LIPH: variants seen among roughly 807,000 people sequenced by gnomAD.
The protein encoded by LIPH is lipase H, also known as lipase member H.
A neutral mutation model predicts 47.6 loss-of-function variants in LIPH; 32 were observed. That is an observed-to-expected ratio of 0.67 (90% confidence interval 0.51 to 0.90). The LOEUF is 0.90. Among genes scored for constraint, LIPH ranks in the 40% least tolerant of loss-of-function variants. LIPH has a pLI of 0.00. For missense variants in LIPH, 497 were observed against 541.4 expected, an observed-to-expected ratio of 0.92 and a Z score of 0.81; for synonymous variants, 190 against 195.6, an observed-to-expected ratio of 0.97 and a Z score of 0.24.
intron 4 of LIPH, among the ~76,000 whole-genome samples, chr3:185,526,633 AAAAT>A (rs138129702): frequency 0.091 from 2,079 of 22,896 alleles, 63 homozygotes; most frequent in African/African-American, 0.13. Flanking sequence ...AATAAAATAT[AAAAT>A]AAATAAAATA....
intron 8 of LIPH, 150 bp downstream of exon 8, chr3:185,514,260 G>A (rs1719656963): frequency 1.6e-6 from 1 of 638,306 alleles, no homozygotes; most frequent in Non-Finnish European, 2.8e-6. Flanking sequence ...TCAAGAACCA[G>A]GGAAGCAACT....
chr3:185,525,849 CA>C (rs1720052092), intron 4 of LIPH, among the ~76,000 whole-genome samples: 1 of 152,138 alleles, frequency 6.6e-6, no homozygotes, highest in Non-Finnish European at 1.5e-5. Context: ...TCTTTCAAGG[CA>C]AATAATTGTT....
chr3:185,540,171 T>G (rs1031738793), intron 1 of LIPH, among the ~76,000 whole-genome samples: 1 of 152,174 alleles, frequency 6.6e-6, no homozygotes, highest in African/African-American at 2.4e-5. Context: ...TCACACTTCC[T>G]GAAATAGATC....
chr3:185,522,650 A>AAGAAAGGAAAGAAAG (rs1235808164), intron 5 of LIPH, among the ~76,000 whole-genome samples: 84 of 142,000 alleles, frequency 5.9e-4, no homozygotes, highest in Middle Eastern at 3.5e-3. Flanking sequence ...GAGAGAAAGA[A>AAGAAAGGAAAGAAAG]AAAGAAAGAA....
At chr3:185,520,118 A>G (rs959780358) in intron 5 of LIPH, among the ~76,000 whole-genome samples, 1 of 152,214 alleles carries the variant, frequency 6.6e-6, no homozygotes, top group Non-Finnish European at 1.5e-5. Flanking sequence ...CAGACTACAA[A>G]GTTGCTGTGT....
rs910681658 is a variant in LIPH, at chr3:185,507,781, G to A, written c.*1009C>T. On this transcript the variant is annotated 3_prime_UTR_variant, in exon 10 of 10. Transcript: ENST00000296252. ...AACATTAATTACCTCTAATAGGATC[G>A]TGGACAGTATTTTTTTTTAATTTTG... 15 of 152,174 alleles carry A rather than the reference G, an allele frequency of 9.9e-5. No homozygotes were observed. Among genetic ancestry groups the A allele is most frequent in the African/African-American group, 2.9e-4 (12 of 41,430 alleles). 9.4% of individuals were successfully genotyped at this position (152,174 alleles called of 1,614,324 possible).
At chr3:185,533,495 G>T in intron 3 of LIPH, 76 bp downstream of exon 3, 1 of 932,470 alleles carries the variant, frequency 1.1e-6, no homozygotes, top group Non-Finnish European at 1.8e-6. Flanking sequence ...CCAAGGAGTT[G>T]GATTGGCCTA....
intron 1 of LIPH, among the ~76,000 whole-genome samples, chr3:185,536,368 C>T (rs1055665338): frequency 6.6e-6 from 1 of 152,130 alleles, no homozygotes; most frequent in Non-Finnish European, 1.5e-5. Context: ...AAAGGGAAGG[C>T]TGTTAACATG....
At chr3:185,515,145 A>G (rs1225252852) in intron 7 of LIPH, among the ~76,000 whole-genome samples, 2 of 152,084 alleles carry the variant, frequency 1.3e-5, no homozygotes, top group African/African-American at 2.4e-5. Context: ...GACTCTCCCC[A>G]TTATTATTCA....
rs544399640 is a variant in LIPH, at chr3:185,531,743, G to A, written c.526+1828C>T. 4.6e-5 allele frequency among the ~76,000 whole-genome samples: 7 copies of A among 152,028 alleles called. No individual in the cohort carries two copies. The East Asian group carries it at 1.4e-3, about 29-fold the overall frequency. ...ATTAAAAAAATTAAAATAAATAGAT[G>A]GCTCCTGAATCTAAATCCAGAACAT... On this transcript the variant is annotated intron_variant, in intron 3 of 9. Transcript: ENST00000296252.
chr3:185,534,961 A>G lies in LIPH; in HGVS notation c.221T>C (p.Ile74Thr). The G allele has an allele frequency of 6.2e-7, 1 of 1,614,104 alleles. No individual in the cohort carries two copies. The highest frequency in any genetic ancestry group is 1.1e-5 in the South Asian group (1 of 91,036). Residue 74 changes from isoleucine to threonine, a missense_variant, in exon 2 of 10, where the codon ATT (isoleucine) becomes ACT (threonine). Ile to Thr is a moderately conservative substitution (Grantham distance 89, BLOSUM62 -1). Transcript: ENST00000296252. ...NLNVTKKTTF[I>T]VHGFRPTGSP... ...GCCTGTTGGCCTGAATCCATGGACAATGAAGGTGGTTTTCTTGGTCACATT... is the reference window on the plus strand; with the variant it reads ...GCCTGTTGGCCTGAATCCATGGACAGTGAAGGTGGTTTTCTTGGTCACATT...
At chr3:185,515,249 G>A (rs78343610) in intron 7 of LIPH, among the ~76,000 whole-genome samples, 2,089 of 152,118 alleles carry the variant, frequency 0.014, 23 homozygotes, top group Non-Finnish European at 0.02. Context: ...AAAAAAAGTG[G>A]TGAATATGTG....
At position 185,508,406 on chromosome 3, in the gene LIPH, G is replaced by C. The variant is rs1719447140; in HGVS notation, c.*384C>G. 3.8e-6 allele frequency: 1 copy of C among 265,588 alleles called. No individual in the cohort carries two copies. The highest frequency in any genetic ancestry group is 4.9e-5 in the South Asian group (1 of 20,410). 16.5% of individuals were successfully genotyped at this position (265,588 alleles called of 1,614,324 possible). On this transcript the variant is annotated 3_prime_UTR_variant, in exon 10 of 10. Coordinates refer to ENST00000296252, the MANE Select transcript of LIPH (RefSeq NM_139248.3). ...GGAGGAATGTGGCACGGAGAATGCA[G>C]AGTTGAGTCCACGGTGAGGCCTCCA...
chr3:185,548,455 C>T (rs1050218472), intron 1 of LIPH, among the ~76,000 whole-genome samples: 80 of 151,604 alleles, frequency 5.3e-4, no homozygotes, highest in African/African-American at 1.7e-3. Context: ...AGGTCAAGCA[C>T]GGTGGCTCAC....
At chr3:185,517,976 C>G (rs1719783748) in intron 6 of LIPH, among the ~76,000 whole-genome samples, 1 of 152,186 alleles carries the variant, frequency 6.6e-6, no homozygotes, top group South Asian at 2.1e-4. Context: ...GCTGTACGTG[C>G]ACACAAGAGC....
chr3:185,514,549 G>A (rs1560156168), intron 7 of LIPH, 28 bp from the exon 8 acceptor site: 1 of 873,560 alleles, frequency 1.1e-6, no homozygotes, highest in Admixed American at 1.7e-5. Context: ...AACACGGTAA[G>A]AGAGAGATAC....
chr3:185,530,172 T>TGGGTGGCAAA (rs1455530410), intron 3 of LIPH, among the ~76,000 whole-genome samples: 1 of 151,772 alleles, frequency 6.6e-6, no homozygotes, highest in Non-Finnish European at 1.5e-5. Context: ...AGTAAGACCC[T>TGGGTGGCAAA]GTCTCAAAAA....
intron 9 of LIPH, 65 bp downstream of exon 9, chr3:185,511,459 G>C (rs1719561067): frequency 6.9e-7 from 1 of 1,442,606 alleles, no homozygotes; most frequent in African/African-American, 1.4e-5. Flanking sequence ...AGACCAAGCA[G>C]ATTGGACAGG....
At chr3:185,523,693 C>A (rs1036750664) in intron 5 of LIPH, among the ~76,000 whole-genome samples, 2 of 151,986 alleles carry the variant, frequency 1.3e-5, no homozygotes, top group Non-Finnish European at 2.9e-5. Flanking sequence ...AGGTATGCAC[C>A]ACTGCACCTG....
Sources: allele counts gnomAD v4.1 joint callset (sites outside exome capture counted in the v4.1 genomes callset), GRCh38; gene constraint gnomAD v4.1.1; transcripts MANE v1.5; gene names NCBI Gene and HGNC (gene_info 2026-07-23, HGNC 2026-07-21).